CTSE: variants seen among roughly 807,000 people sequenced by gnomAD.
The protein encoded by CTSE is cathepsin E, also known as erythrocyte membrane aspartic proteinase.
CTSE carries 43 observed loss-of-function variants against 42.8 expected under a neutral mutation model. The observed-to-expected ratio is 1.01, with a 90% CI of 0.79 to 1.30. The LOEUF (loss-of-function observed/expected upper bound fraction) is 1.30, where lower values mean the gene tolerates loss of function less well. Ranked by LOEUF, CTSE falls within the 50% of genes most tolerant of loss-of-function variation. The pLI is 0.00. For synonymous variants in CTSE, 205 were observed against 191.5 expected (o/e 1.07, Z -0.58); for missense variants, 532 against 493.5 (o/e 1.08, Z -0.74).
At position 206,013,050 on chromosome 1, in the gene CTSE, T is replaced by C. The variant is rs55693327; in HGVS notation, c.786-401A>G. ...CCATAAATAGGTGAATTCCTACAGTTTGAAAAACTCTGAATAGACAGTGAG... is the reference window on the plus strand; with the variant it reads ...CCATAAATAGGTGAATTCCTACAGTCTGAAAAACTCTGAATAGACAGTGAG... On this transcript the variant is annotated intron_variant, in intron 6 of 8. Coordinates refer to ENST00000358184, the MANE Select transcript of CTSE (RefSeq NM_001910.4). 1.2e-3 allele frequency among the ~76,000 whole-genome samples: 175 copies of C among 151,952 alleles called. 2 individuals are homozygous for C. The highest frequency in any genetic ancestry group is 3.4e-3 in the Middle Eastern group (1 of 294).
intron 4 of CTSE, among the ~76,000 whole-genome samples, chr1:206,017,576 A>G (rs1365618628): frequency 6.6e-6 from 1 of 151,824 alleles, no homozygotes; most frequent in African/African-American, 2.4e-5. Context: ...TGCAACCTCC[A>G]CCTCCTGGGT....
At chr1:206,022,040 C>A (rs1346071740) in intron 3 of CTSE, 110 bp downstream of exon 3, 21 of 656,702 alleles carry the variant, frequency 3.2e-5, no homozygotes, top group Non-Finnish European at 5.1e-5. Flanking sequence ...GCTGGTGTGG[C>A]AGGGATGGCC....
chr1:206,009,965 C>T lies in CTSE; in HGVS notation c.*218G>A. The stretch of plus-strand genomic sequence containing the variant: ...TGAATGTATAACGTAATTCCTCCAT[C>T]ATGACGGTGGTGGGAGTGGTGTGTA... On this transcript the variant is annotated 3_prime_UTR_variant, in exon 9 of 9. Transcript: ENST00000358184. The T allele has an allele frequency of 3.8e-6, 2 of 524,168 alleles. No homozygotes were observed. The highest frequency in any genetic ancestry group is 6.1e-5 in the South Asian group (2 of 32,568). 32.5% of individuals were successfully genotyped at this position (524,168 alleles called of 1,614,324 possible).
At position 206,012,512 on chromosome 1, in the gene CTSE, C is replaced by G. The variant is rs554550981; in HGVS notation, c.923G>C (p.Gly308Ala). 8.1e-6 allele frequency: 13 copies of G among 1,614,010 alleles called. No individual in the cohort carries two copies. In the African/African-American group the frequency reaches 1.2e-4, roughly 15 times the overall value. The change falls in exon 7 of 9, where the codon GGA becomes GCA. Residue 308 changes from glycine to alanine, a missense_variant. By Grantham distance (60) the Gly-to-Ala change is moderately conservative. Coordinates refer to ENST00000358184, the MANE Select transcript of CTSE (RefSeq NM_001910.4). ...QNAIGAAPVD[G>A]EYAVECANLN... ...CTTGCGCAGGCAGGCACTCACTTCT[C>G]CATCCACGGGGGCTGCCCCAATGGC...
At chr1:206,019,864 G>T (rs1313795946) in intron 4 of CTSE, among the ~76,000 whole-genome samples, 1 of 134,492 alleles carries the variant, frequency 7.4e-6, no homozygotes, top group Non-Finnish European at 1.6e-5. Flanking sequence ...TTATATAATA[G>T]ATTAACATAA....
intron 5 of CTSE, 148 bp downstream of exon 5, chr1:206,015,783 C>CAG (rs1176050215): frequency 1.5e-6 from 1 of 676,584 alleles, no homozygotes; most frequent in Non-Finnish European, 2.5e-6. Context: ...CCTCAATATT[C>CAG]AGAGAGGTTA....
At chr1:206,011,153 C>T (rs1384678662) in intron 8 of CTSE, among the ~76,000 whole-genome samples, 1 of 152,056 alleles carries the variant, frequency 6.6e-6, no homozygotes, top group Non-Finnish European at 1.5e-5. Context: ...TTGTGATCCA[C>T]CCGCCTCGGC....
chr1:206,017,097 A>C (rs1553277808), intron 4 of CTSE, among the ~76,000 whole-genome samples: 1 of 152,094 alleles, frequency 6.6e-6, no homozygotes, highest in Admixed American at 6.6e-5. Flanking sequence ...TTTTTATGCA[A>C]GTCTTTTACT....
In CTSE at chr1:206,012,311, T is replaced by C. The variant is rs2102266206; in HGVS notation, c.1023A>G (p.Leu341=). ...PYTLSPTAYT[L]LDFVDGMQFC... ...AGAATAAGGAAACAGTTCTTACCAG[T>C]AGGGTGTAGGCAGTTGGGCTGAGGG... is the stretch of plus-strand genomic sequence containing the variant. Residue 341 remains leucine, a synonymous_variant, in exon 8 of 9, where the codon CTA becomes CTG. Transcript: ENST00000358184. 3 of 1,612,190 alleles carry C rather than the reference T, an allele frequency of 1.9e-6. No homozygotes were observed. Among genetic ancestry groups the C allele is most frequent in the South Asian group, 1.1e-5 (1 of 91,040 alleles).
intron 4 of CTSE, among the ~76,000 whole-genome samples, chr1:206,016,344 T>C (rs1661265276): frequency 6.6e-6 from 1 of 152,018 alleles, no homozygotes; most frequent in Admixed American, 6.6e-5. Context: ...ATTGCGCCCC[T>C]CCTCAAGAAG....
chr1:206,011,271 G>A (rs146743828), intron 8 of CTSE, among the ~76,000 whole-genome samples: 9 of 152,042 alleles, frequency 5.9e-5, no homozygotes, highest in Admixed American at 1.3e-4. Flanking sequence ...AAAGAACCAC[G>A]CACCTCCCCT....
intron 4 of CTSE, among the ~76,000 whole-genome samples, chr1:206,019,465 A>C (rs1661351102): frequency 6.6e-6 from 1 of 151,932 alleles, no homozygotes; most frequent in South Asian, 2.1e-4. Flanking sequence ...CTGGTCCTGG[A>C]GCCAGAAAAA....
intron 5 of CTSE, among the ~76,000 whole-genome samples, chr1:206,014,957 T>A (rs1466868914): frequency 6.6e-6 from 1 of 151,902 alleles, no homozygotes; most frequent in African/African-American, 2.4e-5. Context: ...GGGCTTATGC[T>A]GAAACAGTGT....
chr1:206,010,298 T>C lies in CTSE; in HGVS notation c.1076A>G (p.Asp359Gly). ...GAGGGGCCCAGCTGGAGGGTGGATG[T>C]CAAGTCCTTGAAAGCCACTGCTGCA... Reference protein sequence around the residue: ...QFCSSGFQGLDIHPPAGPLWI... With the variant: ...QFCSSGFQGLGIHPPAGPLWI... The change falls in exon 9 of 9, where the codon GAC (aspartate) becomes GGC (glycine). Residue 359 changes from aspartate (D) to glycine (G), a missense_variant. Physicochemically the swap from Asp to Gly is moderately conservative, Grantham distance 94 (BLOSUM62 -1). Coordinates refer to ENST00000358184, the MANE Select transcript of CTSE (RefSeq NM_001910.4). The C allele has an allele frequency of 6.2e-7, 1 of 1,613,822 alleles. No homozygotes were observed. Among genetic ancestry groups the C allele is most frequent in the Non-Finnish European group, 8.5e-7 (1 of 1,179,856 alleles).
chr1:206,011,301 T>C (rs1345125900), intron 8 of CTSE, among the ~76,000 whole-genome samples: 3 of 151,962 alleles, frequency 2.0e-5, no homozygotes, highest in African/African-American at 4.8e-5. Context: ...TCTAGGAAAC[T>C]CCCACTCTTT....
chr1:206,012,517 C>G lies in CTSE; in HGVS notation c.918G>C (p.Val306=). Residue 306 remains valine, a synonymous_variant, in exon 7 of 9, where the codon GTG becomes GTC. Coordinates refer to ENST00000358184, the MANE Select transcript of CTSE (RefSeq NM_001910.4). The stretch of plus-strand genomic sequence containing the variant: ...GCAGGCAGGCACTCACTTCTCCATC[C>G]ACGGGGGCTGCCCCAATGGCGTTTT... ...QLQNAIGAAP[V]DGEYAVECAN... 1 of 1,614,026 alleles carries G rather than the reference C, an allele frequency of 6.2e-7. No homozygotes were observed. Among genetic ancestry groups the G allele is most frequent in the Admixed American group, 1.7e-5 (1 of 60,014 alleles).
intron 5 of CTSE, among the ~76,000 whole-genome samples, chr1:206,014,615 G>A (rs1341827615): frequency 3.3e-5 from 5 of 151,958 alleles, no homozygotes; most frequent in Non-Finnish European, 7.4e-5. Context: ...CGTGTAGTGG[G>A]GATTTTATCT....
intron 5 of CTSE, among the ~76,000 whole-genome samples, chr1:206,015,368 C>A (rs899915365): frequency 6.6e-5 from 10 of 152,114 alleles, no homozygotes; most frequent in African/African-American, 2.2e-4. Flanking sequence ...GGTACCTCAC[C>A]TAAGTGGAAT....
rs1261171024 is a variant in CTSE at position 206,023,870 on chromosome 1, A to G, written c.-79T>C. ...GGGCAGTGGGAACGGACTTTCCCTA[A>G]CTCTCAGACCTGCCCAGCCCAGTCT... On this transcript the variant is annotated 5_prime_UTR_variant, in exon 1 of 9. Transcript: ENST00000358184. 3 of 1,427,402 alleles carry G rather than the reference A, an allele frequency of 2.1e-6. No homozygotes were observed. In the African/African-American group the frequency reaches 4.3e-5, roughly 20 times the overall value. 88.4% of individuals were successfully genotyped at this position (1,427,402 alleles called of 1,614,324 possible).
Sources: allele counts gnomAD v4.1 joint callset (sites outside exome capture counted in the v4.1 genomes callset), GRCh38; gene constraint gnomAD v4.1.1; transcripts MANE v1.5; gene names NCBI Gene and HGNC (gene_info 2026-07-23, HGNC 2026-07-21).